COL21A1: variants seen among roughly 807,000 people sequenced by gnomAD.
COL21A1 encodes collagen type XXI alpha 1 chain.
Under a neutral mutation model 137.9 loss-of-function variants are expected in COL21A1, and 149 were observed. That is an observed-to-expected ratio of 1.08 (90% CI 0.95 to 1.24). COL21A1 has a LOEUF of 1.24. Ranked by LOEUF, COL21A1 falls within the 50% of genes most tolerant of loss-of-function variation. The probability of loss-of-function intolerance (pLI) is 0.00; values close to 1 mark genes in which losing one functional copy is unlikely to be tolerated. For synonymous variants in COL21A1, 456 were observed against 391.5 expected, an observed-to-expected ratio of 1.16 and a Z score of -1.95; for missense variants, 1,167 against 1,158.4, an observed-to-expected ratio of 1.01 and a Z score of -0.11.
intron 1 of COL21A1, among the ~76,000 whole-genome samples, chr6:56,375,416 G>C (rs1016482978): frequency 6.6e-6 from 1 of 152,172 alleles, no homozygotes; most frequent in African/African-American, 2.4e-5. Flanking sequence ...TAGGAGGAAA[G>C]TGAGTCTGAG....
At chr6:56,230,672 A>G (rs1781505507) in intron 1 of COL21A1, among the ~76,000 whole-genome samples, 1 of 151,896 alleles carries the variant, frequency 6.6e-6, no homozygotes, top group Non-Finnish European at 1.5e-5. Context: ...AATCAATTGC[A>G]AAATACCTTT....
intron 1 of COL21A1, among the ~76,000 whole-genome samples, chr6:56,255,061 A>C (rs1782934671): frequency 6.6e-6 from 1 of 152,180 alleles, no homozygotes; most frequent in African/African-American, 2.4e-5. Context: ...AGGTCACTTC[A>C]ATTAAATTTA....
chr6:56,101,800 C>G (rs536309975), intron 16 of COL21A1, among the ~76,000 whole-genome samples: 2 of 152,204 alleles, frequency 1.3e-5, no homozygotes, highest in Admixed American at 6.5e-5. Flanking sequence ...TGAGAATAGA[C>G]CATCTTACTT....
chr6:56,164,794 A>ATAATAG lies in COL21A1; in HGVS notation c.1287+19_1287+20insCTATTA. 6.4e-7 allele frequency: 1 copy of ATAATAG among 1,564,182 alleles called. No homozygotes were observed. Among genetic ancestry groups the ATAATAG allele is most frequent in the Non-Finnish European group, 8.7e-7 (1 of 1,151,056 alleles). ...CAATACAAATATTACCTTAAGGGGA[A>ATAATAG]CAATAGTATCCAAGCCTACCTCTCC... On this transcript the variant is annotated intron_variant, in intron 8 of 29. Transcript: ENST00000244728.
intron 1 of COL21A1, among the ~76,000 whole-genome samples, chr6:56,222,039 G>A (rs561523042): frequency 6.6e-4 from 101 of 152,192 alleles, no homozygotes; most frequent in Non-Finnish European, 1.2e-3. Flanking sequence ...TTGGGAGGCC[G>A]AGGCGGATGG....
chr6:56,156,297 C>T (rs1421672577), intron 10 of COL21A1, among the ~76,000 whole-genome samples: 1 of 152,204 alleles, frequency 6.6e-6, no homozygotes, highest in Non-Finnish European at 1.5e-5. Flanking sequence ...CCTTAACATT[C>T]TCTTCAACTT....
intron 1 of COL21A1, among the ~76,000 whole-genome samples, chr6:56,342,298 T>C (rs1765488615): frequency 6.6e-6 from 1 of 152,204 alleles, no homozygotes; most frequent in Non-Finnish European, 1.5e-5. Context: ...CAAAAACTCC[T>C]CTAAACATTC....
chr6:56,199,302 T>G (rs9464356), intron 1 of COL21A1, among the ~76,000 whole-genome samples: 1 of 151,610 alleles, frequency 6.6e-6, no homozygotes, highest in Non-Finnish European at 1.5e-5. Context: ...GTTTTTTTTT[T>G]AATCAACCTT....
intron 3 of COL21A1, among the ~76,000 whole-genome samples, chr6:56,179,027 A>C (rs1777695768): frequency 8.4e-6 from 1 of 118,998 alleles, no homozygotes; most frequent in African/African-American, 3.2e-5. Flanking sequence ...AATTTAAAAT[A>C]AATTACAGTA....
intron 1 of COL21A1, among the ~76,000 whole-genome samples, chr6:56,362,879 T>G (rs1766006858): frequency 6.6e-6 from 1 of 152,104 alleles, no homozygotes; most frequent in African/African-American, 2.4e-5. Context: ...TATTAATTCT[T>G]CCACTTGGCA....
At chr6:56,372,183 G>A (rs1390852218) in intron 1 of COL21A1, among the ~76,000 whole-genome samples, 1 of 152,186 alleles carries the variant, frequency 6.6e-6, no homozygotes, top group Non-Finnish European at 1.5e-5. Context: ...ATGGATTCCT[G>A]TACAAATCCA....
intron 1 of COL21A1, among the ~76,000 whole-genome samples, chr6:56,239,373 T>C (rs1443214346): frequency 6.6e-6 from 1 of 152,170 alleles, no homozygotes; most frequent in Non-Finnish European, 1.5e-5. Context: ...TATTCATTTT[T>C]GCATCATAAA....
chr6:56,352,966 G>C (rs1010130726), intron 1 of COL21A1, among the ~76,000 whole-genome samples: 1 of 152,076 alleles, frequency 6.6e-6, no homozygotes. Context: ...ACTTGAATCG[G>C]GGAAGTGGAG....
chr6:56,067,343 A>G lies in COL21A1; in HGVS notation c.2092-13T>C. The G allele has an allele frequency of 1.2e-6, 2 of 1,605,864 alleles. No homozygotes were observed. The highest frequency in any genetic ancestry group is 8.5e-7 in the Non-Finnish European group (1 of 1,174,016). On this transcript the variant is annotated splice_polypyrimidine_tract_variant and intron_variant, in intron 22 of 29. Coordinates refer to ENST00000244728, the MANE Select transcript of COL21A1 (RefSeq NM_030820.4). ...TTCCTTTGTCCCCCTACAAAAAGGC[A>G]GTTTGATCTGTATCATAATCTAGCA...
At chr6:56,179,323 A>G (rs1045598794) in intron 3 of COL21A1, among the ~76,000 whole-genome samples, 14 of 152,108 alleles carry the variant, frequency 9.2e-5, no homozygotes, top group Non-Finnish European at 1.8e-4. Flanking sequence ...AAAATAATAA[A>G]TGTTACAAAA....
chr6:56,387,273 G>C (rs1467267938), intron 1 of COL21A1, among the ~76,000 whole-genome samples: 1 of 152,144 alleles, frequency 6.6e-6, no homozygotes, highest in Admixed American at 6.5e-5. Context: ...CATTCCACAA[G>C]TCAAGCACCA....
chr6:56,185,479 A>G (rs1221437525), intron 1 of COL21A1, among the ~76,000 whole-genome samples: 1 of 124,396 alleles, frequency 8.0e-6, no homozygotes, highest in African/African-American at 3.1e-5. Flanking sequence ...CCCAGGCCGG[A>G]CTGCGGACTG....
chr6:56,375,082 G>A (rs1325349295), intron 1 of COL21A1, among the ~76,000 whole-genome samples: 1 of 152,176 alleles, frequency 6.6e-6, no homozygotes, highest in Non-Finnish European at 1.5e-5. Context: ...TCAGCCAGAG[G>A]CAGAAAGCCA....
intron 14 of COL21A1, among the ~76,000 whole-genome samples, chr6:56,124,712 G>T (rs1460983612): frequency 2.0e-5 from 3 of 152,050 alleles, no homozygotes; most frequent in Admixed American, 2.0e-4. Flanking sequence ...TGCAATCTCC[G>T]CTCACTGCAA....
Sources: gnomAD v4.1 joint callset for allele counts (sites outside exome capture counted in the v4.1 genomes callset) on GRCh38, gnomAD v4.1.1 for gene constraint, MANE v1.5 for transcripts, NCBI Gene and HGNC (gene_info 2026-07-23, HGNC 2026-07-21) for gene names.